RPP30: variants seen among roughly 807,000 people sequenced by gnomAD.
RPP30 encodes ribonuclease P protein subunit p30.
A neutral mutation model predicts 38.6 loss-of-function variants in RPP30; 36 were observed. That is an observed-to-expected ratio of 0.93 (90% CI 0.71 to 1.23). The LOEUF (loss-of-function observed/expected upper bound fraction) is 1.23, where lower values mean the gene tolerates loss of function less well. RPP30 is among the 50% of genes most tolerant of loss of function. RPP30 has a pLI of 0.00. For synonymous variants in RPP30, 126 were observed against 112.7 expected (o/e 1.12, Z -0.75); for missense variants, 321 against 321.7 (o/e 1.00, Z 0.02).
At chr10:90,888,885 A>G (rs925527907) in intron 6 of RPP30, among the ~76,000 whole-genome samples, 7 of 152,190 alleles carry the variant, frequency 4.6e-5, no homozygotes, top group African/African-American at 1.7e-4. Flanking sequence ...TGGTGTGAAC[A>G]TTTTGCATAT....
intron 7 of RPP30, 190 bp from the exon 8 acceptor site, chr10:90,895,264 T>A: frequency 2.0e-6 from 1 of 495,198 alleles, no homozygotes; most frequent in Non-Finnish European, 3.5e-6. Context: ...TATTTTGTTT[T>A]TTATTACAGA....
intron 1 of RPP30, among the ~76,000 whole-genome samples, chr10:90,874,339 G>A (rs1184344986): frequency 6.6e-6 from 1 of 152,140 alleles, no homozygotes; most frequent in African/African-American, 2.4e-5. Context: ...TGGTGTGAGG[G>A]AGTTATCACT....
chr10:90,882,458 G>A (rs535472264), intron 5 of RPP30, among the ~76,000 whole-genome samples: 50 of 148,714 alleles, frequency 3.4e-4, no homozygotes, highest in Non-Finnish European at 4.6e-4. Context: ...GGCAGATCAC[G>A]AGAGGCCATC....
intron 4 of RPP30, 81 bp downstream of exon 4, chr10:90,876,179 C>T: frequency 1.1e-6 from 1 of 917,330 alleles, no homozygotes. Context: ...ATTTTGTCTT[C>T]CCCATTTTAC....
At chr10:90,877,239 G>A (rs1846864765) in intron 4 of RPP30, among the ~76,000 whole-genome samples, 1 of 152,044 alleles carries the variant, frequency 6.6e-6, no homozygotes, top group African/African-American at 2.4e-5. Context: ...TTGAGCCAGA[G>A]AGGCAGAGGT....
At chr10:90,881,781 T>C (rs539512655) in intron 5 of RPP30, among the ~76,000 whole-genome samples, 2 of 152,340 alleles carry the variant, frequency 1.3e-5, no homozygotes, top group South Asian at 4.1e-4. Context: ...TGTTTGTAAG[T>C]TGATTATCTA....
intron 6 of RPP30, among the ~76,000 whole-genome samples, chr10:90,894,539 A>G (rs1847117659): frequency 1.3e-5 from 2 of 152,188 alleles, no homozygotes; most frequent in Non-Finnish European, 1.5e-5. Context: ...CTGTTTATGT[A>G]AAGTCAGCTT....
At chr10:90,903,134 GT>G, downstream of RPP30, 2 of 934,534 alleles carry the variant, frequency 2.1e-6, no homozygotes, top group Non-Finnish European at 3.5e-6. Flanking sequence ...GGGGTGATCA[GT>G]AAAAACTCTG....
chr10:90,879,034 G>T, intron 4 of RPP30, 29 bp from the exon 5 acceptor site: 2 of 1,576,986 alleles, frequency 1.3e-6, no homozygotes, highest in Non-Finnish European at 1.7e-6. Context: ...TTTTGTTATT[G>T]TATGATAACA....
chr10:90,873,217 A>G (rs1846806611), intron 1 of RPP30, among the ~76,000 whole-genome samples: 1 of 152,254 alleles, frequency 6.6e-6, no homozygotes. Flanking sequence ...AACTGAACAC[A>G]TTAAAAAAAT....
chr10:90,886,177 G>C (rs1846997888), intron 6 of RPP30, among the ~76,000 whole-genome samples: 2 of 152,058 alleles, frequency 1.3e-5, no homozygotes, highest in Admixed American at 6.5e-5. Context: ...ATAATCATGG[G>C]TACTTATAAC....
chr10:90,906,870 A>C (rs1041683497), downstream of RPP30, among the ~76,000 whole-genome samples: 3 of 152,228 alleles, frequency 2.0e-5, no homozygotes, highest in African/African-American at 7.2e-5. Flanking sequence ...AAAATGAAAG[A>C]TTGTGGGCAA....
intron 5 of RPP30, among the ~76,000 whole-genome samples, chr10:90,879,432 C>A (rs1279282919): frequency 6.6e-6 from 1 of 152,088 alleles, no homozygotes; most frequent in Non-Finnish European, 1.5e-5. Flanking sequence ...AAGTGTTGAT[C>A]CATCTCTTTC....
chr10:90,881,843 A>G (rs948399789), intron 5 of RPP30, among the ~76,000 whole-genome samples: 4 of 152,206 alleles, frequency 2.6e-5, no homozygotes, highest in African/African-American at 9.6e-5. Context: ...AAACTAAGTT[A>G]GGTCTCCAAG....
At chr10:90,905,110 G>A (rs1376240860), downstream of RPP30, among the ~76,000 whole-genome samples, 2 of 152,168 alleles carry the variant, frequency 1.3e-5, no homozygotes, top group African/African-American at 4.8e-5. Flanking sequence ...ATAACAACAA[G>A]TAGGAAAGTA....
At chr10:90,886,425 T>A (rs1279844738) in intron 6 of RPP30, among the ~76,000 whole-genome samples, 1 of 152,202 alleles carries the variant, frequency 6.6e-6, no homozygotes, top group Admixed American at 6.5e-5. Context: ...TTCAGAAAAC[T>A]TTTTTGTTTC....
At chr10:90,892,362 G>A (rs939838928) in intron 6 of RPP30, among the ~76,000 whole-genome samples, 11 of 152,058 alleles carry the variant, frequency 7.2e-5, no homozygotes, top group African/African-American at 2.4e-4. Flanking sequence ...ACCTTCAATA[G>A]CACATTATTT....
intron 4 of RPP30, among the ~76,000 whole-genome samples, chr10:90,877,857 G>A (rs945714167): frequency 7.9e-5 from 12 of 152,194 alleles, no homozygotes; most frequent in African/African-American, 2.9e-4. Flanking sequence ...CCTACTATCA[G>A]GGGAGAGAGA....
intron 5 of RPP30, among the ~76,000 whole-genome samples, chr10:90,882,358 A>G (rs1228842469): frequency 1.3e-5 from 2 of 152,190 alleles, no homozygotes; most frequent in African/African-American, 4.8e-5. Context: ...CATACACACA[A>G]AACAGATCTT....
Sources: allele counts gnomAD v4.1 joint callset (sites outside exome capture counted in the v4.1 genomes callset), GRCh38; gene constraint gnomAD v4.1.1; transcripts MANE v1.5; gene names NCBI Gene and HGNC (gene_info 2026-07-23, HGNC 2026-07-21).